FBH1: variants seen among roughly 807,000 people sequenced by gnomAD.
FBH1 encodes DNA 3'-5' helicase 1.
A neutral mutation model predicts 115.5 loss-of-function variants in FBH1; 43 were observed. The ratio of observed to expected loss-of-function variants is 0.37; its 90% CI spans 0.29 to 0.48. The LOEUF is 0.48. FBH1 is among the 20% of genes least tolerant of loss of function. The probability of loss-of-function intolerance (pLI) is 0.99; values close to 1 mark genes in which losing one functional copy is unlikely to be tolerated. For synonymous variants in FBH1, 524 were observed against 507.8 expected (o/e 1.03, Z -0.43); for missense variants, 1,001 against 1,337.3 (o/e 0.75, Z 3.92).
chr10:5,918,397 G>A lies in FBH1; in HGVS notation c.2019G>A (p.Pro673=), dbSNP rs138313303. 173 of 1,613,370 alleles carry A rather than the reference G, an allele frequency of 1.1e-4. 1 individual carries two copies. The highest frequency in any genetic ancestry group is 3.3e-4 in the Middle Eastern group (2 of 6,060). Residue 673 remains proline, a synonymous_variant, in exon 13 of 21, where the codon CCG becomes CCA. Transcript: ENST00000362091. This position sits in a 1 kb window ranked among gnomAD's most constrained non-coding sequence, Gnocchi z 4.0. The part of the protein sequence containing the change: ...QPCGKIFVGD[P]HQQIYTFRGA... ...GTGGGAAAATCTTTGTAGGGGACCC[G>A]CACCAGCAGATCTATACCTTCCGGG...
chr10:5,918,611 G>A lies in FBH1; in HGVS notation c.2100+133G>A. 8.3e-7 allele frequency: 1 copy of A among 1,208,038 alleles called. No individual in the cohort carries two copies. The highest frequency in any genetic ancestry group is 1.8e-5 in the South Asian group (1 of 54,528). The allele number at this position is 1,208,038 out of a possible 1,614,324, so 74.8% of individuals were successfully genotyped here. On this transcript the variant is annotated intron_variant, in intron 13 of 20. Transcript: ENST00000362091. The surrounding 1 kb of genome is among the most constrained non-coding windows in gnomAD (Gnocchi z 4.0). Reference sequence around the variant, plus strand: ...GCTTCTAAGCCATGGTTCTCAAAGTGTGGTTCTCAGGGGTCTGCCAAGTCA... The same window carrying A: ...GCTTCTAAGCCATGGTTCTCAAAGTATGGTTCTCAGGGGTCTGCCAAGTCA...
intron 1 of FBH1, among the ~76,000 whole-genome samples, chr10:5,898,977 A>G (rs1489769926): frequency 6.6e-6 from 1 of 152,240 alleles, no homozygotes; most frequent in Non-Finnish European, 1.5e-5. Flanking sequence ...TGGCTGCAGA[A>G]GGCTTCGATA....
Position 5,894,529 on chromosome 10 carries a change from C to G in FBH1, c.1+4183C>G, listed in dbSNP as rs1267903995. 3 of 850,770 alleles carry G rather than the reference C, an allele frequency of 3.5e-6. No homozygotes were observed. In the South Asian group the frequency reaches 4.0e-5, roughly 11 times the overall value. 52.7% of individuals were successfully genotyped at this position (850,770 alleles called of 1,614,324 possible). A position where few individuals can be genotyped will look rare whatever the true frequency, so the allele number is the denominator to read the frequency against. ...GACTTCAGGCAAGTCCTCTCTGAGC[C>G]CCAGCTTAATCATGGCACAATTGTA... On this transcript the variant is annotated intron_variant, in intron 1 of 20. Coordinates refer to ENST00000362091, the MANE Select transcript of FBH1 (RefSeq NM_178150.3).
In FBH1 at chr10:5,914,034, G is replaced by C; in HGVS notation, c.1305-144G>C. The stretch of plus-strand genomic sequence containing the variant: ...GCATCAGCATCATAATCTAGCTTTA[G>C]AACATGTTTATTCTCGTAAGGGGAG... On this transcript the variant is annotated intron_variant, in intron 7 of 20. Coordinates refer to ENST00000362091, the MANE Select transcript of FBH1 (RefSeq NM_178150.3). The surrounding 1 kb of genome is among the most constrained non-coding windows in gnomAD (Gnocchi z 5.2). 1 of 836,132 alleles carries C rather than the reference G, an allele frequency of 1.2e-6. No homozygotes were observed. The highest frequency in any genetic ancestry group is 2.5e-5 in the East Asian group (1 of 39,850). The allele number at this position is 836,132 out of a possible 1,614,324, so 51.8% of individuals were successfully genotyped here.
Position 5,906,491 on chromosome 10 carries a change from C to T in FBH1, c.612C>T (p.Pro204=). 3 of 1,614,160 alleles carry T rather than the reference C, an allele frequency of 1.9e-6. No homozygotes were observed. The highest frequency in any genetic ancestry group is 2.2e-5 in the East Asian group (1 of 44,876). ...DSYYGLLGTL[P]CQEALSHICS... ...ACTATGGGCTTCTTGGGACCTTGCC[C>T]TGCCAGGAAGCACTGAGCCACATTT... Residue 204 remains proline (P), a synonymous_variant, in exon 3 of 21, where the codon CCC becomes CCT. Coordinates refer to ENST00000362091, the MANE Select transcript of FBH1 (RefSeq NM_178150.3). This position sits in a 1 kb window ranked among gnomAD's most constrained non-coding sequence, Gnocchi z 7.3.
rs1306914727 is a variant in FBH1, at chr10:5,936,418, T to C, written c.2830-38T>C. ...TGTTTCCAGTAGACCCTAACGGAGG[T>C]GTCGCCATGACTCTCTTTCTCGCTC... On this transcript the variant is annotated intron_variant, in intron 19 of 20. Transcript: ENST00000362091. This position sits in a 1 kb window ranked among gnomAD's most constrained non-coding sequence, Gnocchi z 5.6. 1 of 1,606,224 alleles carries C rather than the reference T, an allele frequency of 6.2e-7. No individual in the cohort carries two copies. Among genetic ancestry groups the C allele is most frequent in the Non-Finnish European group, 8.5e-7 (1 of 1,175,940 alleles).
intron 2 of FBH1, among the ~76,000 whole-genome samples, chr10:5,904,754 A>G (rs1044362860): frequency 2.6e-5 from 4 of 152,178 alleles, no homozygotes; most frequent in African/African-American, 9.6e-5. Context: ...AACCCTGATC[A>G]TATGGATTTA....
At position 5,933,388 on chromosome 10, in the gene FBH1, AAAAC is replaced by A. The variant is rs1490441022; in HGVS notation, c.2830-3056_2830-3053del. ...GGGCAACAAAGTGAGACTCTGTCTC[AAAAC>A]AAACAAACAAAAAAGTGAAGTAGAC... On this transcript the variant is annotated intron_variant, in intron 19 of 20. Coordinates refer to ENST00000362091, the MANE Select transcript of FBH1 (RefSeq NM_178150.3). This position sits in a 1 kb window ranked among gnomAD's most constrained non-coding sequence, Gnocchi z 4.9. Among the ~76,000 whole-genome samples, 3 of 152,344 alleles carry A rather than the reference AAAAC, an allele frequency of 2.0e-5. No individual in the cohort carries two copies. The highest frequency in any genetic ancestry group is 1.9e-4 in the East Asian group (1 of 5,178).
At chr10:5,926,418 C>G (rs1260616829) in intron 18 of FBH1, among the ~76,000 whole-genome samples, 1 of 152,216 alleles carries the variant, frequency 6.6e-6, no homozygotes, top group East Asian at 1.9e-4. Context: ...CTGGCCTTGT[C>G]TGCTTTGAAA....
At chr10:5,928,622 T>C (rs1231990360) in intron 19 of FBH1, 1 of 152,336 alleles carries the variant, frequency 6.6e-6, no homozygotes, top group South Asian at 2.1e-4. Context: ...GTCACAGACA[T>C]GTGGAAAAGT....
chr10:5,910,846 C>T lies in FBH1; in HGVS notation c.1021-92C>T, dbSNP rs1262369816. On this transcript the variant is annotated intron_variant, in intron 5 of 20. Coordinates refer to ENST00000362091, the MANE Select transcript of FBH1 (RefSeq NM_178150.3). The surrounding 1 kb of genome is among the most constrained non-coding windows in gnomAD (Gnocchi z 4.8). ...ACAGTCTGTAGCCAGCAGCTGGACC[C>T]GTGGCTCGGCTTTCCTGACTCCTTC... The T allele has an allele frequency of 1.2e-5, 13 of 1,115,662 alleles. No individual in the cohort carries two copies. Among genetic ancestry groups the T allele is most frequent in the Admixed American group, 7.4e-5 (3 of 40,642 alleles). 69.1% of individuals were successfully genotyped at this position (1,115,662 alleles called of 1,614,324 possible). A position where few individuals can be genotyped will look rare whatever the true frequency, so the allele number is the denominator to read the frequency against.
At position 5,906,214 on chromosome 10, in the gene FBH1, G is replaced by T. The variant is rs923339002; in HGVS notation, c.335G>T (p.Gly112Val). The change falls in exon 3 of 21, where the codon GGC (glycine) becomes GTC (valine). Residue 112 changes from glycine to valine, a missense_variant. By Grantham distance (109) the Gly-to-Val change is moderately radical. This residue lies in a region of FBH1 where 420 missense variants were observed against 430.4 expected (regional missense o/e 0.98). Transcript: ENST00000362091. The surrounding 1 kb of genome is among the most constrained non-coding windows in gnomAD (Gnocchi z 7.3). ...ALPQEGSAGP[G>V]SPGSAPPSRK... ...CCTCAGGAAGGCAGTGCAGGGCCGG[G>T]CTCACCAGGGTCTGCCCCGCCCTCC... is the stretch of plus-strand genomic sequence containing the variant. 1 of 1,614,108 alleles carries T rather than the reference G, an allele frequency of 6.2e-7. No homozygotes were observed. Among genetic ancestry groups the T allele is most frequent in the Admixed American group, 1.7e-5 (1 of 60,012 alleles).
chr10:5,920,044 C>T (rs1832221816), intron 13 of FBH1, among the ~76,000 whole-genome samples: 2 of 152,190 alleles, frequency 1.3e-5, no homozygotes, highest in South Asian at 2.1e-4. Flanking sequence ...TTTGTGACTT[C>T]AGGAGCCCAT....
chr10:5,927,292 A>G (rs1564461383), intron 18 of FBH1, 143 bp from the exon 19 acceptor site: 2 of 589,172 alleles, frequency 3.4e-6, no homozygotes, highest in Admixed American at 7.1e-5. Context: ...TTTGTAGGAA[A>G]ATTTTGTATT....
In FBH1 at chr10:5,924,424, G is replaced by A. The variant is rs79624590; in HGVS notation, c.2512G>A (p.Ala838Thr). The change falls in exon 17 of 21, where the codon GCA (alanine) becomes ACA (threonine). Residue 838 changes from alanine (A) to threonine (T), a missense_variant. Ala to Thr is a moderately conservative substitution (Grantham distance 58). This residue lies in a region of FBH1 where 521 missense variants were observed against 811.0 expected (regional missense o/e 0.64). Transcript: ENST00000362091. This position sits in a 1 kb window ranked among gnomAD's most constrained non-coding sequence, Gnocchi z 6.2. ...AEDKELEAKI[A>T]VVEKYNIRIP... is the part of the protein sequence containing the mutation. ...GGACAAGGAGCTTGAAGCCAAGATCGCAGTTGTTGAAAAGTATAACATCAG... is the reference window on the plus strand; with the variant it reads ...GGACAAGGAGCTTGAAGCCAAGATCACAGTTGTTGAAAAGTATAACATCAG... 32 of 1,614,170 alleles carry A rather than the reference G, an allele frequency of 2.0e-5. No homozygotes were observed. The highest frequency in any genetic ancestry group is 2.5e-5 in the Non-Finnish European group (29 of 1,180,016).
rs1222268673 is a variant in FBH1 at position 5,933,463 on chromosome 10, T to C, written c.2830-2993T>C. Among the ~76,000 whole-genome samples, 1 of 152,172 alleles carries C rather than the reference T, an allele frequency of 6.6e-6. No individual in the cohort carries two copies. Among genetic ancestry groups the C allele is most frequent in the African/African-American group, 2.4e-5 (1 of 41,440 alleles). ...GTTGTCAGTTGGTTGCTGCATGCAT[T>C]TTGTTTTCCCCATAGAAGAAAAGAA... is the stretch of plus-strand genomic sequence containing the variant. On this transcript the variant is annotated intron_variant, in intron 19 of 20. Coordinates refer to ENST00000362091, the MANE Select transcript of FBH1 (RefSeq NM_178150.3). The surrounding 1 kb of genome is among the most constrained non-coding windows in gnomAD (Gnocchi z 4.9).
rs968819104 is a variant in FBH1 at position 5,933,945 on chromosome 10, T to C, written c.2830-2511T>C. Among the ~76,000 whole-genome samples, 1 of 152,200 alleles carries C rather than the reference T, an allele frequency of 6.6e-6. No homozygotes were observed. The highest frequency in any genetic ancestry group is 6.5e-5 in the Admixed American group (1 of 15,286). ...GGGATTATAGGCGTGAGCCACCATG[T>C]CCAGCCTTTTTTGTTGTTGTTGATC... is the stretch of plus-strand genomic sequence containing the variant. On this transcript the variant is annotated intron_variant, in intron 19 of 20. Transcript: ENST00000362091. This position sits in a 1 kb window ranked among gnomAD's most constrained non-coding sequence, Gnocchi z 4.9.
intron 1 of FBH1, among the ~76,000 whole-genome samples, chr10:5,894,747 T>C (rs1842912243): frequency 6.6e-6 from 1 of 152,212 alleles, no homozygotes; most frequent in African/African-American, 2.4e-5. Flanking sequence ...ATGCTGGGTG[T>C]GAGTACCTCT....
chr10:5,897,395 C>CGGAGGAGGTGGACACAGGGCTCCTGT lies in FBH1; in HGVS notation c.2-5600_2-5599insTGGAGGAGGTGGACACAGGGCTCCTG, dbSNP rs1843074581. Among the ~76,000 whole-genome samples the CGGAGGAGGTGGACACAGGGCTCCTGT allele has an allele frequency of 2.7e-5, 4 of 150,792 alleles. 1 individual carries two copies. Among genetic ancestry groups the CGGAGGAGGTGGACACAGGGCTCCTGT allele is most frequent in the Admixed American group, 6.6e-5 (1 of 15,214 alleles). On this transcript the variant is annotated intron_variant, in intron 1 of 20. Transcript: ENST00000362091. This position sits in a 1 kb window ranked among gnomAD's most constrained non-coding sequence, Gnocchi z 4.7. ...AGAGGAGGTGGACACAGGGCTCCTG[C>CGGAGGAGGTGGACACAGGGCTCCTGT]GGAGGAGGTGGACACAGGGCTCCTG...
Sources: allele counts gnomAD v4.1 joint callset (sites outside exome capture counted in the v4.1 genomes callset), GRCh38; gene constraint gnomAD v4.1.1; regional missense constraint gnomAD v4.1.1; non-coding constraint Gnocchi (gnomAD v3.1); transcripts MANE v1.5; gene names NCBI Gene and HGNC (gene_info 2026-07-23, HGNC 2026-07-21).